The following ANAPC2 variants were observed in gnomAD, a reference collection of about 807,000 sequenced individuals.
The protein encoded by ANAPC2 is anaphase-promoting complex subunit 2.
Under a neutral mutation model 84.3 loss-of-function variants are expected in ANAPC2, and 29 were observed. That is an observed-to-expected ratio of 0.34 (90% CI 0.26 to 0.47). The LOEUF (loss-of-function observed/expected upper bound fraction) is 0.47, where lower values mean the gene tolerates loss of function less well. Ranked by LOEUF, ANAPC2 falls within the 20% of genes least tolerant of loss-of-function variation. The pLI, the probability that ANAPC2 is intolerant of heterozygous loss-of-function variation, is 1.00. For synonymous variants in ANAPC2, 571 were observed against 479.4 expected (o/e 1.19, Z -2.50); for missense variants, 857 against 1,131.7 (o/e 0.76, Z 3.48).
chr9:137,180,308 G>A lies in ANAPC2; in HGVS notation c.1763C>T (p.Pro588Leu), dbSNP rs201768062. Residue 588 changes from proline (P) to leucine (L), a missense_variant, in exon 10 of 13, where the codon CCG becomes CTG. This residue lies in a region of ANAPC2 where 425 missense variants were observed against 595.5 expected (regional missense o/e 0.71). Transcript: ENST00000323927. ...CAGGATGACAGCGTAGACCCCGAAC[G>A]GTGGCTGCTCCTCTGCTGGCCGCTT... ...DEKRPAEEQPPFGVYAVILSS... is the reference protein window; with the variant it reads ...DEKRPAEEQPLFGVYAVILSS... 2.5e-6 allele frequency: 4 copies of A among 1,613,500 alleles called. No individual in the cohort carries two copies. Among genetic ancestry groups the A allele is most frequent in the South Asian group, 1.1e-5 (1 of 91,092 alleles).
chr9:137,185,731 A>AT (rs1054476401), intron 3 of ANAPC2, among the ~76,000 whole-genome samples: 3 of 152,110 alleles, frequency 2.0e-5, no homozygotes, highest in African/African-American at 7.2e-5. Flanking sequence ...CAGCTCCCCT[A>AT]TGGCTCCGGG....
chr9:137,187,776 G>A lies in ANAPC2; in HGVS notation c.445C>T (p.Leu149=), dbSNP rs766097872. Residue 149 remains leucine, a synonymous_variant, in exon 2 of 13, where the codon CTG becomes TTG. Transcript: ENST00000323927. ...AACATAGTGTGGACTTCTTCTCGCA[G>A]CCCCTGAGCACCAGTGCCCATCAGC... ...GLLMGTGAQG[L]REEVHTMLRG... 1.1e-5 allele frequency: 18 copies of A among 1,613,586 alleles called. No individual in the cohort carries two copies. Among genetic ancestry groups the A allele is most frequent in the Admixed American group, 8.3e-5 (5 of 60,012 alleles).
At position 137,175,041 on chromosome 9, in the gene ANAPC2, A is replaced by G. The variant is rs781241643; in HGVS notation, c.2370T>C (p.Ile790=). The change falls in exon 13 of 13, where the codon ATT becomes ATC. Residue 790 remains isoleucine (I), a synonymous_variant. Coordinates refer to ENST00000323927, the MANE Select transcript of ANAPC2 (RefSeq NM_013366.4). ...FVVTGPALAE[I]DLQELQGYLQ... ...GGTAGCCCTGCAGCTCCTGCAGGTC[A>G]ATCTCGGCCAGTGCAGGCCCAGTCA... 20 of 1,605,356 alleles carry G rather than the reference A, an allele frequency of 1.2e-5. No individual in the cohort carries two copies. The highest frequency in any genetic ancestry group is 1.5e-5 in the Non-Finnish European group (18 of 1,176,812).
chr9:137,183,889 G>A (rs1834396402), intron 4 of ANAPC2, 98 bp from the exon 5 acceptor site: 3 of 1,514,564 alleles, frequency 2.0e-6, no homozygotes, highest in East Asian at 4.6e-5. Flanking sequence ...ACACGTGCTT[G>A]CCAGCCCCAG....
Position 137,184,996 on chromosome 9 carries a change from C to T in ANAPC2, c.965G>A (p.Arg322His), listed in dbSNP as rs763957493. The part of the protein sequence containing the change: ...PASPEAGNTL[R>H]RWRCHVQRFF... ...CCTTTGCACGTGGCAGCGCCAGCGG[C>T]GCAGGGTGTTGCCGGCCTCGGGAGA... Residue 322 changes from arginine to histidine, a missense_variant, in exon 4 of 13, where the codon CGC (arginine) becomes CAC (histidine). Arg to His is a conservative substitution (Grantham distance 29). Around this residue, in one of 3 missense-constraint regions of ANAPC2, gnomAD observed 428 missense variants for 513.8 expected, o/e 0.83. Transcript: ENST00000323927. 8.1e-6 allele frequency: 13 copies of T among 1,609,770 alleles called. No individual in the cohort carries two copies. The highest frequency in any genetic ancestry group is 1.1e-5 in the South Asian group (1 of 90,478).
Position 137,188,421 on chromosome 9 carries a change from C to A in ANAPC2, c.112G>T (p.Gly38Trp). 3.1e-6 allele frequency: 5 copies of A among 1,607,572 alleles called. No individual in the cohort carries two copies. The highest frequency in any genetic ancestry group is 4.2e-6 in the Non-Finnish European group (5 of 1,179,136). Residue 38 changes from glycine to tryptophan, a missense_variant, in exon 1 of 13, where the codon GGG becomes TGG. Transcript: ENST00000323927. ...STGLVPPAALGLVSSRTSGAV... is the reference protein window; with the variant it reads ...STGLVPPAALWLVSSRTSGAV... ...CCTCTCTTCCCAGGCCTCACCAGCC[C>A]CAGCGCAGCCGGCGGCACCAGGCCG...
intron 10 of ANAPC2, chr9:137,176,081 C>A: frequency 2.3e-6 from 1 of 443,554 alleles, no homozygotes; most frequent in Non-Finnish European, 3.9e-6. Flanking sequence ...CCTCCTGACC[C>A]CCAGTGCTTG....
At chr9:137,185,279 G>A (rs577790495) in intron 3 of ANAPC2, among the ~76,000 whole-genome samples, 192 bp from the exon 4 acceptor site, 2 of 152,290 alleles carry the variant, frequency 1.3e-5, no homozygotes, top group East Asian at 1.9e-4. Flanking sequence ...GCGACGTCCC[G>A]GCCCCCCTGC....
chr9:137,177,326 C>G (rs1834244410), intron 10 of ANAPC2, among the ~76,000 whole-genome samples: 2 of 152,190 alleles, frequency 1.3e-5, no homozygotes, highest in Admixed American at 1.3e-4. Context: ...CTTTTTCCTC[C>G]CAGTTTTCCC....
At position 137,174,814 on chromosome 9, in the gene ANAPC2, G is replaced by A; in HGVS notation, c.*128C>T. The A allele has an allele frequency of 6.9e-7, 1 of 1,440,672 alleles. No individual in the cohort carries two copies. Among genetic ancestry groups the A allele is most frequent in the Non-Finnish European group, 9.1e-7 (1 of 1,099,896 alleles). 89.2% of individuals were successfully genotyped at this position (1,440,672 alleles called of 1,614,324 possible). A position where few individuals can be genotyped will look rare whatever the true frequency, so the allele number is the denominator to read the frequency against. ...TCTGACTTGCTTTAATCTGCACACT[G>A]CGGGGGTGGGGGTGGGCATGCTCCT... On this transcript the variant is annotated 3_prime_UTR_variant, in exon 13 of 13. Transcript: ENST00000323927. This position sits in a 1 kb window ranked among gnomAD's most constrained non-coding sequence, Gnocchi z 6.1.
chr9:137,181,894 TGTGG>T, intron 6 of ANAPC2, 32 bp from the exon 7 acceptor site: 2 of 1,582,252 alleles, frequency 1.3e-6, no homozygotes, highest in South Asian at 1.1e-5. Context: ...TGGCCCACAG[TGTGG>T]ACACCCCGCG....
In ANAPC2 at chr9:137,180,161, G is replaced by A. The variant is rs1175079962; in HGVS notation, c.1890+20C>T. On this transcript the variant is annotated intron_variant, in intron 10 of 12. Coordinates refer to ENST00000323927, the MANE Select transcript of ANAPC2 (RefSeq NM_013366.4). ...GGTAGGGGTGCCAAGAGCCCATGGGGTGGCCTGGCATGGAGGTACCTTGAG... is the reference window on the plus strand; with the variant it reads ...GGTAGGGGTGCCAAGAGCCCATGGGATGGCCTGGCATGGAGGTACCTTGAG... The A allele has an allele frequency of 6.2e-7, 1 of 1,610,178 alleles. No homozygotes were observed. The highest frequency in any genetic ancestry group is 1.3e-5 in the African/African-American group (1 of 75,008).
chr9:137,183,842 T>C, intron 4 of ANAPC2, 51 bp from the exon 5 acceptor site: 1 of 1,595,684 alleles, frequency 6.3e-7, no homozygotes, highest in Non-Finnish European at 8.6e-7. Context: ...CGTGCGCACG[T>C]GCAGGCTGGT....
In ANAPC2 at chr9:137,176,070, G is replaced by A. The variant is rs551342994; in HGVS notation, c.1891-233C>T. On this transcript the variant is annotated intron_variant, in intron 10 of 12. Coordinates refer to ENST00000323927, the MANE Select transcript of ANAPC2 (RefSeq NM_013366.4). ...GGTGTGTCCCGAAAAGGCTACAGGG[G>A]CCTCCTGACCCCCAGTGCTTGGAAA... 1.8e-4 allele frequency: 85 copies of A among 476,728 alleles called. 3 individuals carry two copies. The South Asian group carries it at 2.0e-3, about 11-fold the overall frequency. 29.5% of individuals were successfully genotyped at this position (476,728 alleles called of 1,614,324 possible). A position where few individuals can be genotyped will look rare whatever the true frequency, so the allele number is the denominator to read the frequency against.
intron 4 of ANAPC2, among the ~76,000 whole-genome samples, chr9:137,184,359 G>A (rs115203711): frequency 0.018 from 2,665 of 149,366 alleles, 87 homozygotes; most frequent in African/African-American, 0.062. Flanking sequence ...AGCCCCAGAT[G>A]CAGACAAAGA....
chr9:137,175,647 C>G, intron 11 of ANAPC2, 61 bp downstream of exon 11: 1 of 1,563,910 alleles, frequency 6.4e-7, no homozygotes, highest in South Asian at 1.2e-5. Flanking sequence ...TGGGGAACAG[C>G]CCCTCACCCA....
At chr9:137,186,996 G>C (rs1388507773) in intron 2 of ANAPC2, 1 of 174,142 alleles carries the variant, frequency 5.7e-6, no homozygotes, top group Non-Finnish European at 1.2e-5. Flanking sequence ...ACAATTGCTA[G>C]AGAACTACAA....
chr9:137,186,411 C>A, intron 2 of ANAPC2, 55 bp from the exon 3 acceptor site: 2 of 1,532,114 alleles, frequency 1.3e-6, no homozygotes, highest in South Asian at 1.2e-5. Context: ...CCCCTCTAGC[C>A]CAGAACAGCC....
chr9:137,188,180 G>A (rs538306372), intron 1 of ANAPC2, 77 bp from the exon 2 acceptor site: 2 of 1,527,250 alleles, frequency 1.3e-6, no homozygotes, highest in African/African-American at 1.4e-5. Context: ...AGAAGCTGAG[G>A]GGGAGGCTGC....
Sources: gnomAD v4.1 joint callset for allele counts (sites outside exome capture counted in the v4.1 genomes callset) on GRCh38, gnomAD v4.1.1 for gene constraint, gnomAD v4.1.1 regional missense constraint, Gnocchi (gnomAD v3.1) non-coding constraint, MANE v1.5 for transcripts, NCBI Gene and HGNC (gene_info 2026-07-23, HGNC 2026-07-21) for gene names.